RIGI: variants seen among roughly 807,000 people sequenced by gnomAD.
RIGI encodes RNA sensor RIG-I.
chr9:32,492,183 C>T, the RIGI span, among the ~76,000 whole-genome samples: 1 of 152,050 alleles, frequency 6.6e-6, no homozygotes, highest in African/African-American at 2.4e-5. Context: ...GAGTGGTTTT[C>T]CCCAGTCCAT....
the RIGI span, among the ~76,000 whole-genome samples, chr9:32,483,265 C>T: frequency 6.6e-6 from 1 of 152,134 alleles, no homozygotes; most frequent in South Asian, 2.1e-4. Context: ...ATAATAGGAA[C>T]AAAGGAGGCT....
chr9:32,506,337 AATG>A, the RIGI span, among the ~76,000 whole-genome samples: 1 of 152,226 alleles, frequency 6.6e-6, no homozygotes, highest in Non-Finnish European at 1.5e-5. Flanking sequence ...ATAGTGTATG[AATG>A]ATATTTCCCT....
At chr9:32,524,626 G>T in the RIGI span, among the ~76,000 whole-genome samples, 1 of 22,170 alleles carries the variant, frequency 4.5e-5, no homozygotes, top group Non-Finnish European at 1.0e-4. Context: ...TTTTTTTTTG[G>T]AGACAAGAGT....
the RIGI span, among the ~76,000 whole-genome samples, chr9:32,525,641 G>A: frequency 6.6e-6 from 1 of 152,280 alleles, no homozygotes; most frequent in South Asian, 2.1e-4. Flanking sequence ...AGCTCAGACC[G>A]CACTTTGTGC....
the RIGI span, among the ~76,000 whole-genome samples, chr9:32,521,343 G>T: frequency 6.6e-6 from 1 of 152,012 alleles, no homozygotes; most frequent in African/African-American, 2.4e-5. Flanking sequence ...TGAACTGTGG[G>T]GGGAAGAAAA....
At chr9:32,495,522 C>G in the RIGI span, among the ~76,000 whole-genome samples, 1 of 126,054 alleles carries the variant, frequency 7.9e-6, no homozygotes, top group Non-Finnish European at 1.9e-5. Flanking sequence ...TTTATAGAAG[C>G]CATTGTAATG....
At chr9:32,510,721 A>C in the RIGI span, among the ~76,000 whole-genome samples, 1 of 152,242 alleles carries the variant, frequency 6.6e-6, no homozygotes, top group Non-Finnish European at 1.5e-5. Context: ...TGACAGGATC[A>C]AATTCACACA....
chr9:32,479,729 C>T, the RIGI span, among the ~76,000 whole-genome samples: 22 of 151,174 alleles, frequency 1.5e-4, no homozygotes, highest in East Asian at 9.8e-4. Context: ...CCTGGCTACT[C>T]GGGAGGCTGA....
At chr9:32,503,889 C>T in the RIGI span, among the ~76,000 whole-genome samples, 1 of 151,678 alleles carries the variant, frequency 6.6e-6, no homozygotes, top group Non-Finnish European at 1.5e-5. Flanking sequence ...TAAAAATACA[C>T]AAATTAGCCA....
chr9:32,459,837 A>G, the RIGI span, among the ~76,000 whole-genome samples: 165 of 152,332 alleles, frequency 1.1e-3, no homozygotes, highest in African/African-American at 3.7e-3. Context: ...CTTGGGAAAA[A>G]AAACAAAACC....
At chr9:32,459,543 A>T in the RIGI span, 4 of 1,597,342 alleles carry the variant, frequency 2.5e-6, no homozygotes, top group Non-Finnish European at 3.4e-6. Context: ...CCGCAAATGT[A>T]ATTTGAGTAC....
chr9:32,487,807 G>T, the RIGI span: 1 of 1,285,876 alleles, frequency 7.8e-7, no homozygotes, highest in East Asian at 2.4e-5. Context: ...ATGAATAAAG[G>T]AAACAAAATT....
At chr9:32,518,047 T>C in the RIGI span, among the ~76,000 whole-genome samples, 1 of 152,196 alleles carries the variant, frequency 6.6e-6, no homozygotes, top group South Asian at 2.1e-4. Flanking sequence ...TCAAGATTTC[T>C]TGCTTCCTAG....
the RIGI span, among the ~76,000 whole-genome samples, chr9:32,522,416 C>A: frequency 1.3e-5 from 2 of 152,130 alleles, no homozygotes; most frequent in African/African-American, 4.8e-5. Flanking sequence ...TAATAAAAAT[C>A]TGTTTTCTTT....
the RIGI span, among the ~76,000 whole-genome samples, chr9:32,522,950 C>A: frequency 6.6e-6 from 1 of 152,228 alleles, no homozygotes; most frequent in South Asian, 2.1e-4. Flanking sequence ...GGAAAAGGAC[C>A]CCCAGGCCTC....
chr9:32,491,462 G>C, the RIGI span: 2 of 1,503,688 alleles, frequency 1.3e-6, no homozygotes, highest in Non-Finnish European at 1.8e-6. Context: ...CACATAATCT[G>C]ATTATAGTTT....
At chr9:32,491,424 T>C in the RIGI span, 3 of 1,594,962 alleles carry the variant, frequency 1.9e-6, no homozygotes, top group African/African-American at 4.1e-5. Flanking sequence ...TTTATACCTT[T>C]TTAAGACCAA....
chr9:32,513,997 C>G, the RIGI span, among the ~76,000 whole-genome samples: 91,511 of 152,076 alleles, frequency 0.6, 27,976 homozygotes, highest in Middle Eastern at 0.68. Flanking sequence ...CTGGTCATTA[C>G]AGAAATGCAA....
chr9:32,494,625 ATCCAGACC>A, the RIGI span, among the ~76,000 whole-genome samples: 574 of 152,224 alleles, frequency 3.8e-3, 3 homozygotes, highest in African/African-American at 0.013. Flanking sequence ...TAAAAAAAAA[ATCCAGACC>A]TTTTTCACCT....
Sources: allele counts gnomAD v4.1 joint callset (sites outside exome capture counted in the v4.1 genomes callset), GRCh38; gene constraint gnomAD v4.1.1; transcripts MANE v1.5; gene names NCBI Gene and HGNC (gene_info 2026-07-23, HGNC 2026-07-21).